The following CASQ2 variants were observed in gnomAD, a reference collection of about 807,000 sequenced individuals.
CASQ2 encodes calsequestrin-2.
A neutral mutation model predicts 46.5 loss-of-function variants in CASQ2; 49 were observed. The ratio of observed to expected loss-of-function variants is 1.05; its 90% confidence interval spans 0.84 to 1.34. The LOEUF (loss-of-function observed/expected upper bound fraction) is 1.34, where lower values mean the gene tolerates loss of function less well. CASQ2 is among the 40% of genes most tolerant of loss of function. The probability of loss-of-function intolerance (pLI) is 0.00; values close to 1 mark genes in which losing one functional copy is unlikely to be tolerated. For synonymous variants in CASQ2, 174 were observed against 168.5 expected (o/e 1.03, Z -0.25); for missense variants, 486 against 481.3 (o/e 1.01, Z -0.09).
chr1:115,741,902 T>C (rs1469072406), intron 2 of CASQ2, among the ~76,000 whole-genome samples: 1 of 152,234 alleles, frequency 6.6e-6, no homozygotes, highest in Non-Finnish European at 1.5e-5. Context: ...TGAACTCTTC[T>C]GCAGAACGTC....
intron 1 of CASQ2, among the ~76,000 whole-genome samples, chr1:115,765,937 C>T (rs1649119725): frequency 6.6e-6 from 1 of 152,178 alleles, no homozygotes; most frequent in Non-Finnish European, 1.5e-5. Flanking sequence ...ATGTTTTGAC[C>T]ATGAAGAAAG....
rs945054571 is a variant in CASQ2 at position 115,736,454 on chromosome 1, T to C, written c.532+1770A>G. ...GAGTTCAAGACCAGCCTGACCAACA[T>C]GGTGAAACCCCGTCTCTACTAAAAA... On this transcript the variant is annotated intron_variant, in intron 4 of 10. Transcript: ENST00000261448. 3.9e-4 allele frequency among the ~76,000 whole-genome samples: 59 copies of C among 151,940 alleles called. 1 individual carries two copies. The highest frequency in any genetic ancestry group is 1.4e-3 in the African/African-American group (58 of 41,458).
intron 7 of CASQ2, among the ~76,000 whole-genome samples, chr1:115,718,367 A>T (rs1647245479): frequency 6.6e-6 from 1 of 152,216 alleles, no homozygotes; most frequent in Non-Finnish European, 1.5e-5. Context: ...ACACCAGATT[A>T]TGGAGGCTTC....
At chr1:115,749,058 C>A (rs1488771923) in intron 1 of CASQ2, among the ~76,000 whole-genome samples, 1 of 152,198 alleles carries the variant, frequency 6.6e-6, no homozygotes, top group East Asian at 1.9e-4. Flanking sequence ...CTCTGAAAAA[C>A]ACTGCTATAA....
At chr1:115,722,702 G>A (rs553670257) in intron 7 of CASQ2, among the ~76,000 whole-genome samples, 1 of 152,314 alleles carries the variant, frequency 6.6e-6, no homozygotes, top group Non-Finnish European at 1.5e-5. Flanking sequence ...GTGATATTTT[G>A]TGCCATGAAA....
At chr1:115,741,926 G>C (rs10923338) in intron 2 of CASQ2, among the ~76,000 whole-genome samples, 108,019 of 152,046 alleles carry the variant, frequency 0.71, 42,098 homozygotes, top group Non-Finnish European at 0.87. Context: ...GGACAGGAAA[G>C]CTGGACTGCA....
At chr1:115,725,689 A>G (rs1647560307) in intron 6 of CASQ2, 136 bp from the exon 7 acceptor site, 6 of 1,124,178 alleles carry the variant, frequency 5.3e-6, no homozygotes, top group Non-Finnish European at 7.6e-6. Flanking sequence ...AGCCCTAAAA[A>G]CCCACTTATC....
At chr1:115,752,845 G>A (rs936920764) in intron 1 of CASQ2, among the ~76,000 whole-genome samples, 4 of 152,198 alleles carry the variant, frequency 2.6e-5, no homozygotes, top group African/African-American at 7.2e-5. Context: ...CCACCAGTTG[G>A]GAGGCTGATG....
intron 6 of CASQ2, among the ~76,000 whole-genome samples, 187 bp from the exon 7 acceptor site, chr1:115,725,740 A>G (rs1647561603): frequency 6.6e-6 from 1 of 152,144 alleles, no homozygotes; most frequent in Non-Finnish European, 1.5e-5. Context: ...TGTGTCAGAC[A>G]GCGAGCTGGG....
rs924774071 is a variant in CASQ2 at position 115,700,967 on chromosome 1, A to C, written c.*274T>G. On this transcript the variant is annotated 3_prime_UTR_variant, in exon 11 of 11. Coordinates refer to ENST00000261448, the MANE Select transcript of CASQ2 (RefSeq NM_001232.4). ...TGTTCAGGCACTGCCATGACCCTTG[A>C]TGGTCCAGCAAAGAACAAGATCTGT... is the stretch of plus-strand genomic sequence containing the variant. 1.6e-6 allele frequency: 1 copy of C among 612,914 alleles called. No homozygotes were observed. The highest frequency in any genetic ancestry group is 1.8e-5 in the African/African-American group (1 of 54,162). 38.0% of individuals were successfully genotyped at this position (612,914 alleles called of 1,614,324 possible).
chr1:115,751,283 AAT>A (rs1310171051), intron 1 of CASQ2, among the ~76,000 whole-genome samples: 1 of 152,220 alleles, frequency 6.6e-6, no homozygotes, highest in Non-Finnish European at 1.5e-5. Flanking sequence ...AACAATTATT[AAT>A]TGAGAACCTA....
intron 1 of CASQ2, among the ~76,000 whole-genome samples, 177 bp from the exon 2 acceptor site, chr1:115,745,089 T>C (rs888696355): frequency 1.3e-5 from 2 of 152,198 alleles, no homozygotes; most frequent in African/African-American, 4.8e-5. Flanking sequence ...GGAAGGATGA[T>C]TCAGGAGAAT....
Position 115,766,013 on chromosome 1 carries a change from G to A in CASQ2, c.234+2295C>T, listed in dbSNP as rs542793594. 6.7e-4 allele frequency among the ~76,000 whole-genome samples: 102 copies of A among 152,226 alleles called. 1 individual carries two copies. The South Asian group carries it at 0.019, about 28-fold the overall frequency. On this transcript the variant is annotated intron_variant, in intron 1 of 10. Coordinates refer to ENST00000261448, the MANE Select transcript of CASQ2 (RefSeq NM_001232.4). ...GAGCCATTTTTTCCCTTGATGCTGC[G>A]CCTGACAAGTATCTCAACAAAGGCC...
In CASQ2 at chr1:115,725,534, G is replaced by C; in HGVS notation, c.757C>G (p.Arg253Gly). 1.2e-6 allele frequency: 2 copies of C among 1,605,834 alleles called. No individual in the cohort carries two copies. Among genetic ancestry groups the C allele is most frequent in the Non-Finnish European group, 1.7e-6 (2 of 1,177,998 alleles). ...CATGTTTCAAACATTTCTTCTGGGC[G>C]CAGGCGACGTAGAGTGGGTCTGGAA... ...EHQRPTLRRL[R>G]PEEMFETWED... Residue 253 changes from arginine (R) to glycine (G), a missense_variant, in exon 7 of 11, where the codon CGC (arginine) becomes GGC (glycine). Coordinates refer to ENST00000261448, the MANE Select transcript of CASQ2 (RefSeq NM_001232.4).
chr1:115,719,748 A>C (rs1218245265), intron 7 of CASQ2, among the ~76,000 whole-genome samples: 1 of 152,196 alleles, frequency 6.6e-6, no homozygotes, highest in Non-Finnish European at 1.5e-5. Context: ...CCCAGCTTGC[A>C]CAGGGGAGGA....
At chr1:115,761,497 G>A (rs12735750) in intron 1 of CASQ2, among the ~76,000 whole-genome samples, 10,917 of 18,744 alleles carry the variant, frequency 0.58, 3,055 homozygotes, top group East Asian at 0.67. Flanking sequence ...GGAGAAGAAG[G>A]AGAAGAAGAA....
chr1:115,737,664 C>T (rs139086632), intron 4 of CASQ2, among the ~76,000 whole-genome samples: 1 of 152,342 alleles, frequency 6.6e-6, no homozygotes, highest in East Asian at 1.9e-4. Flanking sequence ...ATCATAGGTT[C>T]TGTGTCCACC....
chr1:115,767,452 A>G (rs12068034), intron 1 of CASQ2, among the ~76,000 whole-genome samples: 7,241 of 152,284 alleles, frequency 0.048, 601 homozygotes, highest in African/African-American at 0.17. Context: ...CTGGTTAATA[A>G]ACTGTAATTC....
chr1:115,718,984 T>G (rs1031759362), intron 7 of CASQ2, among the ~76,000 whole-genome samples: 1 of 152,100 alleles, frequency 6.6e-6, no homozygotes, highest in South Asian at 2.1e-4. Flanking sequence ...TTGGGCACCC[T>G]GAACATCATA....
Sources: allele counts gnomAD v4.1 joint callset (sites outside exome capture counted in the v4.1 genomes callset), GRCh38; gene constraint gnomAD v4.1.1; transcripts MANE v1.5; gene names NCBI Gene and HGNC (gene_info 2026-07-23, HGNC 2026-07-21).